Variants in MBOAT2 observed in about 807,000 individuals in gnomAD.
MBOAT2 encodes the protein membrane-bound glycerophospholipid O-acyltransferase 2.
A neutral mutation model predicts 63.4 loss-of-function variants in MBOAT2; 28 were observed. That is an observed-to-expected ratio of 0.44 (90% CI 0.33 to 0.61). The LOEUF (loss-of-function observed/expected upper bound fraction) is 0.61. MBOAT2 is among the 20% of genes least tolerant of loss of function. The pLI is 0.03. For missense variants in MBOAT2, 470 were observed against 605.8 expected (o/e 0.78, Z 2.35); for synonymous variants, 211 against 215.6 (o/e 0.98, Z 0.19).
Position 8,858,511 on chromosome 2 carries a change from G to C in MBOAT2, c.*168C>G. On this transcript the variant is annotated 3_prime_UTR_variant, in exon 13 of 13. Coordinates refer to ENST00000305997, the MANE Select transcript of MBOAT2 (RefSeq NM_138799.4). The stretch of plus-strand genomic sequence containing the variant: ...GCCCACGGAGACATGGCATGGGAGG[G>C]CTTGTTTCACTCCATTTCCAATCTG... 1.7e-6 allele frequency: 1 copy of C among 572,438 alleles called. No individual in the cohort carries two copies. The allele number at this position is 572,438 out of a possible 1,614,324, so 35.5% of individuals were successfully genotyped here.
intron 9 of MBOAT2, 81 bp downstream of exon 9, chr2:8,868,365 T>C (rs1311996637): frequency 8.5e-7 from 1 of 1,177,062 alleles, no homozygotes; most frequent in Admixed American, 1.9e-5. Flanking sequence ...ATACCACTCC[T>C]AGGACATCAC....
chr2:8,918,373 A>G (rs762047078), intron 3 of MBOAT2, among the ~76,000 whole-genome samples: 64 of 152,170 alleles, frequency 4.2e-4, no homozygotes, highest in Non-Finnish European at 7.8e-4. Flanking sequence ...CAGTGCCTCT[A>G]AACAATTACA....
At chr2:8,868,651 T>A in intron 8 of MBOAT2, 102 bp from the exon 9 acceptor site, 1 of 891,360 alleles carries the variant, frequency 1.1e-6, no homozygotes, top group Non-Finnish European at 1.7e-6. Flanking sequence ...TCTTAAACAG[T>A]AAAAGTAGAT....
chr2:8,999,242 A>C (rs1228451752), intron 1 of MBOAT2, among the ~76,000 whole-genome samples: 5 of 152,224 alleles, frequency 3.3e-5, no homozygotes. Flanking sequence ...CTTCATCCCT[A>C]ACTGGCCTTC....
chr2:8,860,065 G>A (rs537631075), intron 12 of MBOAT2, among the ~76,000 whole-genome samples: 264 of 152,074 alleles, frequency 1.7e-3, no homozygotes, highest in Non-Finnish European at 3.0e-3. Flanking sequence ...GTGGGTGCCT[G>A]TAATCCCAAC....
rs1227232245 is a variant in MBOAT2, at chr2:8,908,719, G to A, written c.300-3C>T. The A allele has an allele frequency of 1.3e-6, 2 of 1,582,978 alleles. No individual in the cohort carries two copies. Among genetic ancestry groups the A allele is most frequent in the Admixed American group, 1.7e-5 (1 of 58,396 alleles). ...CCAGAGCAAACACAAAGCAGTAACT[G>A]CAAAACAAAAATAAGCTACATTAAT... On this transcript the variant is annotated splice_region_variant and splice_polypyrimidine_tract_variant and intron_variant, in intron 3 of 12. Transcript: ENST00000305997.
intron 3 of MBOAT2, among the ~76,000 whole-genome samples, chr2:8,920,185 A>G (rs1666474993): frequency 6.6e-6 from 1 of 152,182 alleles, no homozygotes. Context: ...TAGCTGCTAC[A>G]TTGAGGACTA....
chr2:8,975,795 T>C (rs371036541), intron 1 of MBOAT2, among the ~76,000 whole-genome samples: 17 of 23,100 alleles, frequency 7.4e-4, no homozygotes, highest in African/African-American at 2.8e-3. Flanking sequence ...AAATGAACAA[T>C]ACAAAAAAAA....
At chr2:8,918,848 A>C (rs1666372961) in intron 3 of MBOAT2, among the ~76,000 whole-genome samples, 1 of 152,210 alleles carries the variant, frequency 6.6e-6, no homozygotes, top group Admixed American at 6.5e-5. Flanking sequence ...AAATGTGTAG[A>C]GTTGTGTGAC....
chr2:8,912,449 C>T (rs952126697), intron 3 of MBOAT2, among the ~76,000 whole-genome samples: 2 of 151,844 alleles, frequency 1.3e-5, no homozygotes, highest in Non-Finnish European at 1.5e-5. Context: ...CCTAAGGACT[C>T]CTCCAGAAAG....
chr2:8,998,965 G>T (rs1672499814), intron 1 of MBOAT2, among the ~76,000 whole-genome samples: 1 of 152,146 alleles, frequency 6.6e-6, no homozygotes, highest in Admixed American at 6.5e-5. Context: ...ACTTCACCAG[G>T]TGTTGTGAGG....
At chr2:8,981,535 C>T (rs763646311) in intron 1 of MBOAT2, among the ~76,000 whole-genome samples, 5 of 152,122 alleles carry the variant, frequency 3.3e-5, no homozygotes, top group Non-Finnish European at 5.9e-5. Flanking sequence ...TCTGCCAGAG[C>T]CTCAGAGAAG....
At chr2:8,952,340 A>G (rs1411588541) in intron 2 of MBOAT2, among the ~76,000 whole-genome samples, 1 of 152,320 alleles carries the variant, frequency 6.6e-6, no homozygotes, top group Non-Finnish European at 1.5e-5. Flanking sequence ...ATGCCTGAGC[A>G]TGTGGTTGAT....
chr2:8,902,831 C>T (rs1665057678), intron 4 of MBOAT2, among the ~76,000 whole-genome samples: 1 of 152,152 alleles, frequency 6.6e-6, no homozygotes, highest in Non-Finnish European at 1.5e-5. Context: ...AGCAAAAGAA[C>T]AAAAAGCCTT....
intron 3 of MBOAT2, among the ~76,000 whole-genome samples, chr2:8,921,167 C>T (rs1308757619): frequency 6.6e-6 from 1 of 152,024 alleles, no homozygotes; most frequent in African/African-American, 2.4e-5. Context: ...CCTTTAGTGC[C>T]TTCTTTTGTA....
At chr2:8,969,677 C>T (rs1670293810) in intron 1 of MBOAT2, among the ~76,000 whole-genome samples, 1 of 152,148 alleles carries the variant, frequency 6.6e-6, no homozygotes, top group Non-Finnish European at 1.5e-5. Context: ...GGAGGAAGAT[C>T]TACCAAGCAA....
intron 8 of MBOAT2, among the ~76,000 whole-genome samples, chr2:8,872,228 C>G (rs1662377570): frequency 6.6e-6 from 1 of 152,186 alleles, no homozygotes; most frequent in African/African-American, 2.4e-5. Context: ...CCATTTTCCA[C>G]TTGCTGAAAT....
chr2:8,952,007 T>A (rs1157194190), intron 2 of MBOAT2, among the ~76,000 whole-genome samples: 1 of 152,196 alleles, frequency 6.6e-6, no homozygotes, highest in Non-Finnish European at 1.5e-5. Context: ...TTCCTCTAGG[T>A]GTGATGTTAG....
chr2:8,862,932 CT>C lies in MBOAT2; in HGVS notation c.1053-211del, dbSNP rs1465316912. On this transcript the variant is annotated intron_variant, in intron 10 of 12. Transcript: ENST00000305997. This position sits in a 1 kb window ranked among gnomAD's most constrained non-coding sequence, Gnocchi z 4.3. The stretch of plus-strand genomic sequence containing the variant: ...GGAACATAAAGTTAATTCTCATCTT[CT>C]TATTGGTATATATAGTATATATATT... Among the ~76,000 whole-genome samples the C allele has an allele frequency of 6.6e-6, 1 of 151,980 alleles. No homozygotes were observed. The highest frequency in any genetic ancestry group is 1.5e-5 in the Non-Finnish European group (1 of 68,008).
Sources: allele counts gnomAD v4.1 joint callset (sites outside exome capture counted in the v4.1 genomes callset), GRCh38; gene constraint gnomAD v4.1.1; non-coding constraint Gnocchi (gnomAD v3.1); transcripts MANE v1.5; gene names NCBI Gene and HGNC (gene_info 2026-07-23, HGNC 2026-07-21).